The following EML4 variants were observed in gnomAD, a reference collection of about 807,000 sequenced individuals.
EML4 encodes EMAP like 4.
EML4 carries 72 observed loss-of-function variants against 129.0 expected under a neutral mutation model. The observed-to-expected ratio is 0.56, with a 90% confidence interval of 0.46 to 0.68. EML4 has a LOEUF of 0.68. Ranked by LOEUF, EML4 falls within the 30% of genes least tolerant of loss-of-function variation. The pLI is 0.00. For missense variants in EML4, 1,363 were observed against 1,190.6 expected (o/e 1.14, Z -2.13); for synonymous variants, 532 against 405.0 (o/e 1.31, Z -3.77).
chr2:42,170,621 G>T, intron 1 of EML4, among the ~76,000 whole-genome samples: 1 of 152,228 alleles, frequency 6.6e-6, no homozygotes, highest in Admixed American at 6.5e-5. Flanking sequence ...ATTCTTCGAG[G>T]CCATTGAAAT....
chr2:42,185,139 A>G (rs1177378564), intron 1 of EML4, among the ~76,000 whole-genome samples: 1 of 152,102 alleles, frequency 6.6e-6, no homozygotes, highest in Non-Finnish European at 1.5e-5. Flanking sequence ...AACTGAGTTG[A>G]AGAGAGAGAA....
At chr2:42,287,279 TG>T (rs1419157330) in intron 10 of EML4, among the ~76,000 whole-genome samples, 2 of 152,136 alleles carry the variant, frequency 1.3e-5, no homozygotes, top group African/African-American at 4.8e-5. Context: ...AGTCAGGAAT[TG>T]GGAGAAGGAC....
At chr2:42,216,996 G>C (rs1673234354) in intron 1 of EML4, among the ~76,000 whole-genome samples, 1 of 152,018 alleles carries the variant, frequency 6.6e-6, no homozygotes. Context: ...AGACAAGGAA[G>C]TTAGAAAAAA....
intron 2 of EML4, among the ~76,000 whole-genome samples, chr2:42,248,262 C>T (rs1430426896): frequency 6.6e-6 from 1 of 152,036 alleles, no homozygotes; most frequent in East Asian, 1.9e-4. Flanking sequence ...AAAAACAGTG[C>T]ATTGTAATTT....
intron 10 of EML4, among the ~76,000 whole-genome samples, chr2:42,287,737 A>G (rs1317537916): frequency 6.6e-6 from 1 of 152,220 alleles, no homozygotes; most frequent in Non-Finnish European, 1.5e-5. Context: ...ATTCAAGTTA[A>G]TGTAAGTCAG....
intron 20 of EML4, 142 bp downstream of exon 20, chr2:42,325,696 G>GC (rs1250489070): frequency 4.1e-6 from 1 of 243,654 alleles, no homozygotes; most frequent in Non-Finnish European, 7.6e-6. Context: ...TCTGAATTGT[G>GC]CAGAGAATGC....
At chr2:42,259,913 G>A (rs1665616116) in intron 3 of EML4, among the ~76,000 whole-genome samples, 1 of 151,476 alleles carries the variant, frequency 6.6e-6, no homozygotes, top group Non-Finnish European at 1.5e-5. Context: ...GTATTTGTTA[G>A]TAGAGACGGG....
At chr2:42,319,934 A>G (rs1201818375) in intron 19 of EML4, 5 of 152,218 alleles carry the variant, frequency 3.3e-5, no homozygotes, top group African/African-American at 4.8e-5. Flanking sequence ...TGATATCTCT[A>G]ATTAAATGTC....
At chr2:42,303,705 C>A (rs1308241973) in intron 16 of EML4, among the ~76,000 whole-genome samples, 1 of 152,198 alleles carries the variant, frequency 6.6e-6, no homozygotes, top group East Asian at 1.9e-4. Context: ...GCAGGCGGAT[C>A]ACGAGGTCAG....
chr2:42,174,882 A>G (rs1670508927), intron 1 of EML4, among the ~76,000 whole-genome samples: 1 of 151,650 alleles, frequency 6.6e-6, no homozygotes, highest in South Asian at 2.1e-4. Context: ...CAATGGCGCG[A>G]TCTCGGCTCA....
intron 1 of EML4, among the ~76,000 whole-genome samples, chr2:42,242,109 G>T (rs1036594325): frequency 6.6e-6 from 1 of 151,768 alleles, no homozygotes; most frequent in Non-Finnish European, 1.5e-5. Context: ...TTTGCTGAAG[G>T]TAAGTTACCA....
chr2:42,315,413 C>T (rs1338121019), intron 17 of EML4, among the ~76,000 whole-genome samples: 2 of 152,144 alleles, frequency 1.3e-5, no homozygotes, highest in African/African-American at 2.4e-5. Context: ...AGCAAAGAGA[C>T]AGGAATGGCA....
At chr2:42,326,064 A>G in intron 20 of EML4, 90 bp from the exon 21 acceptor site, 13 of 1,520,554 alleles carry the variant, frequency 8.5e-6, no homozygotes, top group Non-Finnish European at 1.2e-5. Flanking sequence ...TATAAATACA[A>G]GTAAACGTGG....
intron 1 of EML4, among the ~76,000 whole-genome samples, chr2:42,192,690 C>T (rs778392232): frequency 1.8e-4 from 27 of 152,054 alleles, no homozygotes; most frequent in Non-Finnish European, 3.2e-4. Context: ...TTTGTAAACC[C>T]CAGACATTAA....
chr2:42,209,889 A>C (rs982273261), intron 1 of EML4, among the ~76,000 whole-genome samples: 2 of 152,214 alleles, frequency 1.3e-5, no homozygotes, highest in African/African-American at 4.8e-5. Flanking sequence ...AGATCATGCC[A>C]TTGCACTCCA....
intron 19 of EML4, among the ~76,000 whole-genome samples, chr2:42,323,230 G>A (rs574242020): frequency 3.3e-5 from 5 of 152,198 alleles, no homozygotes; most frequent in South Asian, 4.2e-4. Context: ...TTTAATTTCA[G>A]AAGCATGGCT....
At chr2:42,256,384 A>C in intron 2 of EML4, 117 bp from the exon 3 acceptor site, 1 of 950,826 alleles carries the variant, frequency 1.1e-6, no homozygotes, top group Admixed American at 2.8e-5. Context: ...TATAAACAAT[A>C]ATATACTTAA....
At chr2:42,210,063 A>G (rs982709008) in intron 1 of EML4, among the ~76,000 whole-genome samples, 2 of 152,310 alleles carry the variant, frequency 1.3e-5, no homozygotes, top group African/African-American at 4.8e-5. Flanking sequence ...TATTATTAAT[A>G]TCTTATATTA....
At chr2:42,223,101 G>A (rs2104124939) in intron 1 of EML4, among the ~76,000 whole-genome samples, 1 of 152,124 alleles carries the variant, frequency 6.6e-6, no homozygotes, top group South Asian at 2.1e-4. Context: ...CACCGTGCCT[G>A]GCCAATATAA....
Sources: allele counts gnomAD v4.1 joint callset (sites outside exome capture counted in the v4.1 genomes callset), GRCh38; gene constraint gnomAD v4.1.1; transcripts MANE v1.5; gene names NCBI Gene and HGNC (gene_info 2026-07-23, HGNC 2026-07-21).